The following WDR64 variants were observed in gnomAD, a reference collection of about 807,000 sequenced individuals.
WDR64 encodes WD repeat-containing protein 64.
A neutral mutation model predicts 139.3 loss-of-function variants in WDR64; 112 were observed. The observed-to-expected ratio is 0.80, with a 90% confidence interval of 0.69 to 0.94. WDR64 has a LOEUF of 0.94. WDR64 is among the 40% of genes least tolerant of loss of function. The pLI is 0.00. For synonymous variants in WDR64, 444 were observed against 437.7 expected, an observed-to-expected ratio of 1.01 and a Z score of -0.18; for missense variants, 1,206 against 1,293.1, an observed-to-expected ratio of 0.93 and a Z score of 1.03.
At chr1:241,753,084 C>G (rs1670039233) in intron 14 of WDR64, among the ~76,000 whole-genome samples, 1 of 152,076 alleles carries the variant, frequency 6.6e-6, no homozygotes, top group Non-Finnish European at 1.5e-5. Context: ...GTAACAGAGG[C>G]CTTAGGGCAA....
At chr1:241,765,658 C>G (rs1658126733) in intron 15 of WDR64, among the ~76,000 whole-genome samples, 1 of 152,198 alleles carries the variant, frequency 6.6e-6, no homozygotes, top group African/African-American at 2.4e-5. Flanking sequence ...CCCTCCGATA[C>G]AGCACTTTCA....
At position 241,656,136 on chromosome 1, in the gene WDR64, C is replaced by T. The variant is rs558972487; in HGVS notation, c.145+3507C>T. Among the ~76,000 whole-genome samples the T allele has an allele frequency of 3.0e-4, 46 of 152,282 alleles. No individual in the cohort carries two copies. The highest frequency in any genetic ancestry group is 4.1e-4 in the Non-Finnish European group (28 of 68,028). On this transcript the variant is annotated intron_variant, in intron 1 of 27. Transcript: ENST00000437684. The surrounding 1 kb of genome is among the most constrained non-coding windows in gnomAD (Gnocchi z 4.3). ...CTGCTAGACAAGTTACCTTCTATCA[C>T]GGGGCGGCCTAAGAAAGAGTGAGGA...
At chr1:241,794,502 C>CTTTTTTTT (rs1659299229) in intron 25 of WDR64, among the ~76,000 whole-genome samples, 2 of 105,022 alleles carry the variant, frequency 1.9e-5, no homozygotes, top group African/African-American at 8.0e-5. Context: ...TTAAGCTTTA[C>CTTTTTTTT]TGTTTTTTTT....
chr1:241,725,813 C>T (rs959353247), intron 10 of WDR64, among the ~76,000 whole-genome samples: 5 of 151,904 alleles, frequency 3.3e-5, no homozygotes, highest in Admixed American at 1.3e-4. Flanking sequence ...ATTCACTATC[C>T]CCCCACTCCA....
At chr1:241,685,450 A>G (rs2148113741) in intron 7 of WDR64, among the ~76,000 whole-genome samples, 2 of 152,092 alleles carry the variant, frequency 1.3e-5, no homozygotes, top group South Asian at 4.1e-4. Context: ...ATGTGTGTGT[A>G]TTTCTACTTA....
chr1:241,776,156 G>A (rs929243144), intron 21 of WDR64, among the ~76,000 whole-genome samples: 4 of 151,916 alleles, frequency 2.6e-5, no homozygotes, highest in Admixed American at 1.3e-4. Context: ...CTGGCTCACT[G>A]CAACCTCTGC....
intron 9 of WDR64, among the ~76,000 whole-genome samples, chr1:241,717,900 T>C (rs1228445801): frequency 6.6e-6 from 1 of 152,154 alleles, no homozygotes; most frequent in African/African-American, 2.4e-5. Flanking sequence ...TAATTGTTAG[T>C]TTACGGTCCA....
intron 1 of WDR64, 74 bp downstream of exon 1, chr1:241,652,703 G>C (rs1160958253): frequency 6.6e-7 from 1 of 1,507,418 alleles, no homozygotes; most frequent in South Asian, 1.3e-5. Context: ...AGCCATCAGA[G>C]AGAAGCATCA....
At chr1:241,684,515 T>G (rs76017377) in intron 7 of WDR64, among the ~76,000 whole-genome samples, 1 of 152,220 alleles carries the variant, frequency 6.6e-6, no homozygotes, top group Non-Finnish European at 1.5e-5. Context: ...TTATTTATCA[T>G]AGAAGTACAA....
intron 1 of WDR64, among the ~76,000 whole-genome samples, chr1:241,653,248 A>G (rs1384256431): frequency 6.6e-6 from 1 of 152,224 alleles, no homozygotes; most frequent in African/African-American, 2.4e-5. Context: ...ATAAAGCTAC[A>G]TGGCAGAGTG....
chr1:241,705,559 A>AAATAAAT (rs376010669), intron 8 of WDR64, among the ~76,000 whole-genome samples: 28,193 of 136,152 alleles, frequency 0.21, 2,976 homozygotes, highest in Admixed American at 0.23. Flanking sequence ...ATAAATAAAT[A>AAATAAAT]AATAATAATA....
At chr1:241,673,339 T>TA (rs1666316294) in intron 3 of WDR64, among the ~76,000 whole-genome samples, 2 of 151,946 alleles carry the variant, frequency 1.3e-5, no homozygotes, top group South Asian at 2.1e-4. Context: ...GTAATAAAAT[T>TA]TAAAAAAAAA....
In WDR64 at chr1:241,652,316, A is replaced by G; in HGVS notation, c.-169A>G. The G allele has an allele frequency of 1.6e-6, 1 of 611,970 alleles. No individual in the cohort carries two copies. The highest frequency in any genetic ancestry group is 2.8e-6 in the Non-Finnish European group (1 of 358,494). The allele number at this position is 611,970 out of a possible 1,614,324, so 37.9% of individuals were successfully genotyped here. A position where few individuals can be genotyped will look rare whatever the true frequency, so the allele number is the denominator to read the frequency against. ...CAGCTTTCCTCCCTGCTAACATCCT[A>G]GTGGCAACTCTTACTCCTACCCGCA... On this transcript the variant is annotated 5_prime_UTR_variant, in exon 1 of 28. Transcript: ENST00000437684.
intron 18 of WDR64, among the ~76,000 whole-genome samples, chr1:241,771,322 T>C (rs1474700356): frequency 6.6e-6 from 1 of 152,196 alleles, no homozygotes; most frequent in Non-Finnish European, 1.5e-5. Context: ...AGTTTCTGTT[T>C]CTGTTTCAGT....
intron 15 of WDR64, among the ~76,000 whole-genome samples, chr1:241,757,973 C>T (rs935175303): frequency 3.9e-5 from 6 of 152,162 alleles, no homozygotes; most frequent in African/African-American, 1.4e-4. Flanking sequence ...TTCCAGATAT[C>T]CTTATAATTT....
chr1:241,771,846 TA>T, intron 19 of WDR64, 149 bp downstream of exon 19: 1 of 310,378 alleles, frequency 3.2e-6, no homozygotes, highest in Non-Finnish European at 5.5e-6. Flanking sequence ...ATATTCATTA[TA>T]TACGTATATA....
intron 8 of WDR64, among the ~76,000 whole-genome samples, chr1:241,705,112 C>T (rs1005328953): frequency 6.6e-6 from 1 of 152,128 alleles, no homozygotes; most frequent in Non-Finnish European, 1.5e-5. Flanking sequence ...AGTGGGGAAA[C>T]GCATCTAGCT....
In WDR64 at chr1:241,802,132, A is replaced by T. The variant is rs1161658871; in HGVS notation, c.*917A>T. ...TTATAAAGTTATTAATAATAACTCA[A>T]AAAAGGAAAAAGCCTAGTTTCCACA... On this transcript the variant is annotated 3_prime_UTR_variant, in exon 28 of 28. Coordinates refer to ENST00000437684, the MANE Select transcript of WDR64 (RefSeq NM_001367482.1). 7.5e-6 allele frequency: 3 copies of T among 397,988 alleles called. No individual in the cohort carries two copies. The highest frequency in any genetic ancestry group is 4.4e-5 in the Admixed American group (1 of 22,696). The allele number at this position is 397,988 out of a possible 1,614,324, so 24.7% of individuals were successfully genotyped here.
At chr1:241,695,165 C>A (rs1667435724) in intron 8 of WDR64, among the ~76,000 whole-genome samples, 1 of 152,068 alleles carries the variant, frequency 6.6e-6, no homozygotes, top group Admixed American at 6.6e-5. Flanking sequence ...ATTATATAAG[C>A]TAGTAGTTCA....
Sources: gnomAD v4.1 joint callset for allele counts (sites outside exome capture counted in the v4.1 genomes callset) on GRCh38, gnomAD v4.1.1 for gene constraint, Gnocchi (gnomAD v3.1) non-coding constraint, MANE v1.5 for transcripts, NCBI Gene and HGNC (gene_info 2026-07-23, HGNC 2026-07-21) for gene names.